Variants in LYPD6 observed in about 807,000 individuals in gnomAD.
LYPD6 encodes the protein ly6/PLAUR domain-containing protein 6.
In LYPD6, 15 loss-of-function variants were observed where a neutral mutation model predicts 22.7. That is an observed-to-expected ratio of 0.66 (90% CI 0.44 to 1.02). The LOEUF (loss-of-function observed/expected upper bound fraction) is 1.02. Ranked by LOEUF, LYPD6 falls within the 50% of genes least tolerant of loss-of-function variation. The probability of loss-of-function intolerance (pLI) is 0.00; values close to 1 mark genes in which losing one functional copy is unlikely to be tolerated. For missense variants in LYPD6, 189 were observed against 208.4 expected (o/e 0.91, Z 0.57); for synonymous variants, 72 against 77.5 (o/e 0.93, Z 0.37).
chr2:149,440,758 T>G (rs1230700638), intron 2 of LYPD6, among the ~76,000 whole-genome samples: 1 of 143,924 alleles, frequency 6.9e-6, no homozygotes, highest in Non-Finnish European at 1.5e-5. Flanking sequence ...TGGAGTGCAG[T>G]GGTGCGATCT....
downstream of LYPD6, among the ~76,000 whole-genome samples, chr2:149,477,180 A>G (rs1394429056): frequency 2.0e-5 from 3 of 152,128 alleles, no homozygotes; most frequent in Admixed American, 2.0e-4. Flanking sequence ...TTACTTAATA[A>G]CCTTGTGTAT....
intron 4 of LYPD6, 21 bp from the exon 5 acceptor site, chr2:149,470,662 T>G (rs758188881): frequency 1.2e-6 from 2 of 1,603,134 alleles, no homozygotes; most frequent in Admixed American, 3.3e-5. Context: ...CTCATTATCT[T>G]TTTTTCTTCC....
At chr2:149,459,774 C>G (rs1160096130) in intron 3 of LYPD6, among the ~76,000 whole-genome samples, 1 of 151,856 alleles carries the variant, frequency 6.6e-6, no homozygotes, top group Non-Finnish European at 1.5e-5. Flanking sequence ...TGGTGGCAGG[C>G]ACCTGTAGTC....
the LYPD6 span, among the ~76,000 whole-genome samples, chr2:149,484,276 C>T: frequency 1.2e-3 from 185 of 152,252 alleles, no homozygotes; most frequent in African/African-American, 4.3e-3. Flanking sequence ...GACTGATTAT[C>T]CCTATCCTGT....
At chr2:149,406,156 A>G (rs1682701066) in intron 1 of LYPD6, among the ~76,000 whole-genome samples, 2 of 149,640 alleles carry the variant, frequency 1.3e-5, no homozygotes, top group Admixed American at 6.6e-5. Context: ...ACTTCCAAGT[A>G]TGTGGTCAAT....
intron 1 of LYPD6, among the ~76,000 whole-genome samples, chr2:149,406,887 TG>T (rs200836316): frequency 0.27 from 39,981 of 150,424 alleles, 5,118 homozygotes; most frequent in African/African-American, 0.44. Context: ...TTCCTTTCCA[TG>T]TTTAGTGCTT....
intron 1 of LYPD6, among the ~76,000 whole-genome samples, chr2:149,408,817 A>G (rs1243799783): frequency 6.6e-6 from 1 of 152,158 alleles, no homozygotes; most frequent in Non-Finnish European, 1.5e-5. Context: ...TATATCCCGT[A>G]CCATGTTTTT....
chr2:149,388,242 A>G (rs1682232458), intron 1 of LYPD6, among the ~76,000 whole-genome samples: 1 of 149,302 alleles, frequency 6.7e-6, no homozygotes, highest in Non-Finnish European at 1.5e-5. Flanking sequence ...GGATTTCTTT[A>G]GAAGCAGAGG....
intron 1 of LYPD6, among the ~76,000 whole-genome samples, chr2:149,343,902 A>C (rs75203830): frequency 4.6e-5 from 7 of 152,208 alleles, no homozygotes; most frequent in East Asian, 1.9e-4. Context: ...GAAAAAAAAA[A>C]CAGTGGATTA....
intron 1 of LYPD6, among the ~76,000 whole-genome samples, chr2:149,388,723 A>G (rs892014045): frequency 4.6e-5 from 7 of 152,042 alleles, no homozygotes; most frequent in African/African-American, 1.4e-4. Flanking sequence ...ACATTTAGAA[A>G]CCTATTCTTT....
intron 1 of LYPD6, among the ~76,000 whole-genome samples, chr2:149,369,844 G>A (rs1482445079): frequency 6.6e-6 from 1 of 152,158 alleles, no homozygotes; most frequent in Non-Finnish European, 1.5e-5. Flanking sequence ...TTTTCATTTA[G>A]ACGGGTAAGG....
chr2:149,379,635 A>C (rs1157241446), intron 1 of LYPD6, among the ~76,000 whole-genome samples: 2 of 152,196 alleles, frequency 1.3e-5, no homozygotes, highest in East Asian at 3.9e-4. Flanking sequence ...TGGGCTGGAA[A>C]GAGCCCTGAG....
chr2:149,415,118 C>G (rs1487639588), intron 1 of LYPD6, among the ~76,000 whole-genome samples: 1 of 152,060 alleles, frequency 6.6e-6, no homozygotes, highest in Non-Finnish European at 1.5e-5. Context: ...TATCACTGTC[C>G]AATGGGAAAG....
chr2:149,393,176 A>G (rs1484485899), intron 1 of LYPD6, among the ~76,000 whole-genome samples: 3 of 152,240 alleles, frequency 2.0e-5, no homozygotes, highest in Non-Finnish European at 4.4e-5. Context: ...CAGCTATAAA[A>G]GCCTTCTTTT....
chr2:149,347,289 T>C (rs2105055014), intron 1 of LYPD6, among the ~76,000 whole-genome samples: 1 of 152,276 alleles, frequency 6.6e-6, no homozygotes, highest in South Asian at 2.1e-4. Flanking sequence ...CTCCCAAAGG[T>C]CCCATCTCCA....
At chr2:149,414,646 C>T (rs1243528188) in intron 1 of LYPD6, among the ~76,000 whole-genome samples, 2 of 151,988 alleles carry the variant, frequency 1.3e-5, no homozygotes, top group Admixed American at 6.6e-5. Flanking sequence ...GGGCTTGGCC[C>T]GTATTGAATT....
At position 149,365,117 on chromosome 2, in the gene LYPD6, C is replaced by T. The variant is rs114339906; in HGVS notation, c.-72+34395C>T. Among the ~76,000 whole-genome samples, 532 of 152,312 alleles carry T rather than the reference C, an allele frequency of 3.5e-3. 2 individuals carry two copies. Among genetic ancestry groups the T allele is most frequent in the Middle Eastern group, 0.01 (3 of 294 alleles). On this transcript the variant is annotated intron_variant, in intron 1 of 4. Coordinates refer to ENST00000334166, the MANE Select transcript of LYPD6 (RefSeq NM_194317.5). ...CCTTCATCACTCTAACACTCTTGAA[C>T]CACTAATTCACAGTAGTGTCACTTC... is the stretch of plus-strand genomic sequence containing the variant.
chr2:149,351,492 T>C (rs532895192), intron 1 of LYPD6, among the ~76,000 whole-genome samples: 1 of 152,172 alleles, frequency 6.6e-6, no homozygotes, highest in African/African-American at 2.4e-5. Flanking sequence ...GAGGCAGCAT[T>C]AGTACATACT....
intron 1 of LYPD6, among the ~76,000 whole-genome samples, chr2:149,378,015 T>C (rs989828082): frequency 4.6e-5 from 7 of 152,116 alleles, no homozygotes; most frequent in Non-Finnish European, 7.4e-5. Context: ...TCTTCCTTTT[T>C]CTATGCACCC....
Sources: gnomAD v4.1 joint callset for allele counts (sites outside exome capture counted in the v4.1 genomes callset) on GRCh38, gnomAD v4.1.1 for gene constraint, MANE v1.5 for transcripts, NCBI Gene and HGNC (gene_info 2026-07-23, HGNC 2026-07-21) for gene names.